The following ERH variants were observed in gnomAD, a reference collection of about 807,000 sequenced individuals.
The protein encoded by ERH is enhancer of rudimentary homolog.
A neutral mutation model predicts 16.8 loss-of-function variants in ERH; 1 was observed. That is an observed-to-expected ratio of 0.06 (90% CI 0.02 to 0.28). ERH has a LOEUF of 0.28. Ranked by LOEUF, ERH falls within the 10% of genes least tolerant of loss-of-function variation. The pLI is 1.00. For missense variants in ERH, 42 were observed against 127.5 expected (o/e 0.33, Z 3.23); for synonymous variants, 43 against 43.6 (o/e 0.99, Z 0.05).
At chr14:69,397,646 C>T (rs1360131778) in intron 1 of ERH, among the ~76,000 whole-genome samples, 4 of 152,170 alleles carry the variant, frequency 2.6e-5, no homozygotes, top group Non-Finnish European at 5.9e-5. Flanking sequence ...CGGCAGGGCC[C>T]GGTGGCTCAC....
At chr14:69,381,985 C>A (rs1264830923) in intron 3 of ERH, among the ~76,000 whole-genome samples, 3 of 152,214 alleles carry the variant, frequency 2.0e-5, no homozygotes, top group African/African-American at 7.2e-5. Flanking sequence ...GCCACCGCAC[C>A]TGGCCTCCTT....
intron 3 of ERH, among the ~76,000 whole-genome samples, chr14:69,382,315 A>G (rs1223093334): frequency 2.0e-5 from 3 of 152,240 alleles, no homozygotes; most frequent in African/African-American, 7.2e-5. Flanking sequence ...CTCTTTGTCC[A>G]TGCTTCCTAA....
chr14:69,384,414 T>C (rs1021916952), intron 3 of ERH, among the ~76,000 whole-genome samples: 6 of 152,210 alleles, frequency 3.9e-5, no homozygotes, highest in Non-Finnish European at 5.9e-5. Context: ...TAGCAAATGG[T>C]AGACCCAGGA....
chr14:69,396,494 C>A (rs1162315943), intron 1 of ERH, among the ~76,000 whole-genome samples: 2 of 152,242 alleles, frequency 1.3e-5, no homozygotes, highest in African/African-American at 4.8e-5. Flanking sequence ...CTCCCGACCT[C>A]AGGTGATCTG....
At chr14:69,391,381 C>T (rs943988152) in intron 2 of ERH, among the ~76,000 whole-genome samples, 2 of 152,050 alleles carry the variant, frequency 1.3e-5, no homozygotes, top group Non-Finnish European at 2.9e-5. Context: ...CATGGGGGCT[C>T]ATGCCTGTGA....
At chr14:69,392,658 G>A (rs555861480) in intron 2 of ERH, among the ~76,000 whole-genome samples, 34 of 152,340 alleles carry the variant, frequency 2.2e-4, no homozygotes, top group Admixed American at 2.0e-3. Context: ...ACATAAGAAT[G>A]AAACCTAGTA....
intron 3 of ERH, 65 bp downstream of exon 3, chr14:69,386,898 T>C: frequency 6.5e-7 from 1 of 1,539,700 alleles, no homozygotes; most frequent in Non-Finnish European, 8.9e-7. Flanking sequence ...ATACCATAAA[T>C]CACCTCAAAC....
At chr14:69,389,683 C>A (rs769616316) in intron 2 of ERH, among the ~76,000 whole-genome samples, 8 of 152,168 alleles carry the variant, frequency 5.3e-5, no homozygotes, top group Non-Finnish European at 8.8e-5. Context: ...CCATTTATAA[C>A]AGCGTAAAAA....
Position 69,380,508 on chromosome 14 carries a change from ACCCCAACCC to A in ERH, c.*21_*29del. 2.7e-6 allele frequency: 2 copies of A among 743,148 alleles called. No individual in the cohort carries two copies. The highest frequency in any genetic ancestry group is 3.0e-5 in the East Asian group (1 of 33,476). 46.0% of individuals were successfully genotyped at this position (743,148 alleles called of 1,614,324 possible). On this transcript the variant is annotated 3_prime_UTR_variant, in exon 4 of 4. Coordinates refer to ENST00000557016, the MANE Select transcript of ERH (RefSeq NM_004450.3). ...CTGTACACACCTGTGTTCCAAGCCC[ACCCCAACCC>A]CCCCAGTGCTTCCAACACAATTATT...
chr14:69,380,427 G>A lies in ERH; in HGVS notation c.*111C>T, dbSNP rs1203214821. 1 of 609,638 alleles carries A rather than the reference G, an allele frequency of 1.6e-6. No individual in the cohort carries two copies. Among genetic ancestry groups the A allele is most frequent in the East Asian group, 2.8e-5 (1 of 35,928 alleles). 37.8% of individuals were successfully genotyped at this position (609,638 alleles called of 1,614,324 possible). On this transcript the variant is annotated 3_prime_UTR_variant, in exon 4 of 4. Coordinates refer to ENST00000557016, the MANE Select transcript of ERH (RefSeq NM_004450.3). ...CATCTAATACAGTCAATCTTGGCTA[G>A]AGTATAACAAAGTGGAAACAGGATT...
chr14:69,389,804 T>C (rs1468960137), intron 2 of ERH, among the ~76,000 whole-genome samples: 1 of 152,176 alleles, frequency 6.6e-6, no homozygotes, highest in Non-Finnish European at 1.5e-5. Flanking sequence ...CACAGTCTCA[T>C]TCTGTTGCCC....
intron 2 of ERH, among the ~76,000 whole-genome samples, chr14:69,394,193 C>T (rs960245841): frequency 6.6e-6 from 1 of 151,930 alleles, no homozygotes; most frequent in South Asian, 2.1e-4. Flanking sequence ...TAAAATATTT[C>T]CATACTGTAA....
intron 1 of ERH, 193 bp downstream of exon 1, chr14:69,398,038 G>A (rs1244310447): frequency 2.8e-6 from 2 of 710,914 alleles, no homozygotes; most frequent in Non-Finnish European, 4.7e-6. Flanking sequence ...ACCGCAGGGC[G>A]GACCGGGGCT....
At chr14:69,385,438 C>G (rs998381954) in intron 3 of ERH, among the ~76,000 whole-genome samples, 4 of 151,976 alleles carry the variant, frequency 2.6e-5, no homozygotes, top group African/African-American at 9.7e-5. Context: ...GAAGATAATT[C>G]CCCCCAGCTC....
chr14:69,388,786 A>C (rs547372141), intron 2 of ERH, among the ~76,000 whole-genome samples: 39 of 152,336 alleles, frequency 2.6e-4, no homozygotes, highest in African/African-American at 8.9e-4. Context: ...ATCTAGAAAA[A>C]ACATGTCCTA....
rs2045854615 is a variant in ERH at position 69,380,406 on chromosome 14, T to C, written c.*132A>G. ...TTGAACAAGATCCTCACATTTCATCTAATACAGTCAATCTTGGCTAGAGTA... is the reference window on the plus strand; with the variant it reads ...TTGAACAAGATCCTCACATTTCATCCAATACAGTCAATCTTGGCTAGAGTA... On this transcript the variant is annotated 3_prime_UTR_variant, in exon 4 of 4. Coordinates refer to ENST00000557016, the MANE Select transcript of ERH (RefSeq NM_004450.3). 1.4e-5 allele frequency: 7 copies of C among 512,616 alleles called. No homozygotes were observed. The highest frequency in any genetic ancestry group is 2.5e-5 in the Non-Finnish European group (7 of 281,578). The allele number at this position is 512,616 out of a possible 1,614,324, so 31.8% of individuals were successfully genotyped here. A position where few individuals can be genotyped will look rare whatever the true frequency, so the allele number is the denominator to read the frequency against.
Position 69,383,809 on chromosome 14 carries a change from A to G in ERH, c.212+3154T>C, listed in dbSNP as rs115274260. ...GCTTTAATATAGCAAATATTGTATT[A>G]AAAATCAGTTTAGTATGCTAGATAT... On this transcript the variant is annotated intron_variant, in intron 3 of 3. Coordinates refer to ENST00000557016, the MANE Select transcript of ERH (RefSeq NM_004450.3). Among the ~76,000 whole-genome samples the G allele has an allele frequency of 8.9e-4, 135 of 152,322 alleles. 1 individual carries two copies. The highest frequency in any genetic ancestry group is 3.2e-3 in the African/African-American group (132 of 41,576).
chr14:69,387,820 G>A (rs1457061635), intron 2 of ERH, among the ~76,000 whole-genome samples: 5 of 152,096 alleles, frequency 3.3e-5, no homozygotes, highest in Admixed American at 2.0e-4. Flanking sequence ...CAAGGCGGGC[G>A]GATCACGAGG....
intron 3 of ERH, among the ~76,000 whole-genome samples, chr14:69,380,974 T>C (rs531940243): frequency 2.6e-5 from 4 of 152,314 alleles, no homozygotes; most frequent in Non-Finnish European, 5.9e-5. Context: ...GTTCCTTTAG[T>C]GATTAAAAAA....
Sources: gnomAD v4.1 joint callset for allele counts (sites outside exome capture counted in the v4.1 genomes callset) on GRCh38, gnomAD v4.1.1 for gene constraint, MANE v1.5 for transcripts, NCBI Gene and HGNC (gene_info 2026-07-23, HGNC 2026-07-21) for gene names.